Variants in IL1RAPL1 observed in about 807,000 individuals in gnomAD.
The protein encoded by IL1RAPL1 is interleukin 1 receptor accessory protein like 1, also known as interleukin-1 receptor accessory protein-like 1.
IL1RAPL1 carries 3 observed loss-of-function variants against 48.4 expected under a neutral mutation model. That is an observed-to-expected ratio of 0.06 (90% CI 0.03 to 0.16). The LOEUF is 0.16. Among genes scored for constraint, IL1RAPL1 ranks in the 10% least tolerant of loss-of-function variants. The pLI is 1.00. For synonymous variants in IL1RAPL1, 185 were observed against 187.7 expected, an observed-to-expected ratio of 0.99 and a Z score of 0.12; for missense variants, 349 against 530.6, an observed-to-expected ratio of 0.66 and a Z score of 3.36.
At chrX:29,807,651 G>GAAAAAAAAAAAAAAAAA (rs1930287945) in intron 6 of IL1RAPL1, among the ~76,000 whole-genome samples, 1 of 61,563 alleles carries the variant, frequency 1.6e-5, no homozygotes. Flanking sequence ...AAAAAAAAAT[G>GAAAAAAAAAAAAAAAAA]AAAGGGAGGA....
intron 1 of IL1RAPL1, among the ~76,000 whole-genome samples, chrX:28,682,114 A>G (rs781015888): frequency 2.7e-4 from 30 of 109,462 alleles, no homozygotes; most frequent in African/African-American, 9.9e-4. Context: ...TGTAGCATGT[A>G]TCAGTCCTTT....
chrX:29,630,196 C>G (rs1924728262), intron 5 of IL1RAPL1, among the ~76,000 whole-genome samples: 1 of 110,384 alleles, frequency 9.1e-6, no homozygotes, highest in Admixed American at 9.7e-5. Context: ...TCTCAAGACT[C>G]TTTTGTAAGG....
chrX:29,766,341 AAATAT>A (rs1442004733), intron 6 of IL1RAPL1, among the ~76,000 whole-genome samples: 28 of 73,947 alleles, frequency 3.8e-4, no homozygotes, highest in African/African-American at 1.3e-3. Flanking sequence ...AAAAAAAAAA[AAATAT>A]ATATATATAT....
intron 1 of IL1RAPL1, among the ~76,000 whole-genome samples, chrX:28,622,147 C>A (rs1254021591): frequency 9.0e-6 from 1 of 111,505 alleles, no homozygotes; most frequent in Non-Finnish European, 1.9e-5. Context: ...AAACCATGGG[C>A]AAATCGTCTT....
intron 4 of IL1RAPL1, among the ~76,000 whole-genome samples, chrX:29,397,283 A>G (rs1399417055): frequency 4.4e-5 from 5 of 112,463 alleles, no homozygotes; most frequent in Admixed American, 9.5e-5. Flanking sequence ...CTAGATCCAC[A>G]AATGTCAGTA....
In IL1RAPL1 at chrX:29,207,152, T is replaced by C. The variant is rs144984283; in HGVS notation, c.83-75786T>C. 5.9e-3 allele frequency among the ~76,000 whole-genome samples: 661 copies of C among 111,901 alleles called. 3 individuals carry two copies. The highest frequency in any genetic ancestry group is 0.021 in the African/African-American group (636 of 30,781). ...AAATTTTGTTCTGTAAGTGGAATTT[T>C]AATGTATTCTTCATTTTCTAAAATC... is the stretch of plus-strand genomic sequence containing the variant. On this transcript the variant is annotated intron_variant, in intron 2 of 10. Coordinates refer to ENST00000378993, the MANE Select transcript of IL1RAPL1 (RefSeq NM_014271.4).
intron 5 of IL1RAPL1, among the ~76,000 whole-genome samples, chrX:29,515,669 A>G (rs1001745539): frequency 1.8e-5 from 2 of 111,485 alleles, no homozygotes; most frequent in South Asian, 3.8e-4. Flanking sequence ...ATTGTTTCCA[A>G]TTTTTGAGTG....
intron 2 of IL1RAPL1, among the ~76,000 whole-genome samples, chrX:29,274,471 A>G (rs188080543): frequency 1.8e-4 from 20 of 112,371 alleles, no homozygotes; most frequent in African/African-American, 6.5e-4. Context: ...ATTTTCCTCT[A>G]CAATCTCTGT....
At chrX:29,180,438 G>A (rs920025015) in intron 2 of IL1RAPL1, among the ~76,000 whole-genome samples, 3 of 109,891 alleles carry the variant, frequency 2.7e-5, no homozygotes, top group Admixed American at 9.8e-5. Flanking sequence ...GTGCAATGGT[G>A]CTGTCTTGGC....
At chrX:29,830,787 C>T (rs1235211496) in intron 6 of IL1RAPL1, among the ~76,000 whole-genome samples, 1 of 111,355 alleles carries the variant, frequency 9.0e-6, no homozygotes, top group African/African-American at 3.3e-5. Context: ...CTGAATGGGA[C>T]TGAACCAACC....
chrX:29,506,821 G>T (rs774536959), intron 5 of IL1RAPL1, among the ~76,000 whole-genome samples: 1 of 110,462 alleles, frequency 9.1e-6, no homozygotes, highest in Admixed American at 9.6e-5. Context: ...CTGTCTTCAG[G>T]TACTCCTGAT....
chrX:29,407,812 A>C (rs1424466263), intron 5 of IL1RAPL1, among the ~76,000 whole-genome samples: 1 of 112,442 alleles, frequency 8.9e-6, no homozygotes, highest in East Asian at 2.8e-4. Flanking sequence ...AATAAGTGGA[A>C]ATTATTCTAA....
chrX:28,819,989 TA>T (rs1295021965), intron 2 of IL1RAPL1, among the ~76,000 whole-genome samples: 29 of 79,521 alleles, frequency 3.6e-4, no homozygotes, highest in Non-Finnish European at 5.8e-4. Flanking sequence ...TATATATATA[TA>T]TATATATATA....
chrX:29,272,461 A>G (rs901818058), intron 2 of IL1RAPL1, among the ~76,000 whole-genome samples: 21 of 111,000 alleles, frequency 1.9e-4, no homozygotes, highest in Admixed American at 3.8e-4. Context: ...TTTTTTTTTT[A>G]ACAATTCTGA....
At chrX:29,590,237 A>C (rs1923323695) in intron 5 of IL1RAPL1, among the ~76,000 whole-genome samples, 1 of 111,535 alleles carries the variant, frequency 9.0e-6, no homozygotes, top group East Asian at 2.8e-4. Flanking sequence ...CCACTTTCCA[A>C]TACCAGTGAT....
intron 6 of IL1RAPL1, among the ~76,000 whole-genome samples, chrX:29,819,122 G>C (rs1442692577): frequency 9.0e-6 from 1 of 111,363 alleles, no homozygotes; most frequent in African/African-American, 3.3e-5. Context: ...CTTTAAATTG[G>C]CCTGAAAATA....
chrX:29,854,561 T>C (rs937656709), intron 6 of IL1RAPL1, among the ~76,000 whole-genome samples: 1 of 111,847 alleles, frequency 8.9e-6, no homozygotes, highest in South Asian at 3.8e-4. Flanking sequence ...GGTCTGGTTC[T>C]GGAATCAGAT....
chrX:29,192,330 G>T (rs764315114), intron 2 of IL1RAPL1, among the ~76,000 whole-genome samples: 7 of 111,852 alleles, frequency 6.3e-5, no homozygotes, highest in Non-Finnish European at 1.1e-4. Flanking sequence ...CTTTACAAAA[G>T]AACATATACT....
intron 2 of IL1RAPL1, among the ~76,000 whole-genome samples, chrX:29,051,200 A>G (rs1214247285): frequency 8.9e-6 from 1 of 112,163 alleles, no homozygotes; most frequent in African/African-American, 3.2e-5. Context: ...AACAGTGTCG[A>G]TATCTTTGCC....
Sources: gnomAD v4.1 joint callset for allele counts (sites outside exome capture counted in the v4.1 genomes callset) on GRCh38, gnomAD v4.1.1 for gene constraint, MANE v1.5 for transcripts, NCBI Gene and HGNC (gene_info 2026-07-23, HGNC 2026-07-21) for gene names.